The following NUP205 variants were observed in gnomAD, a reference collection of about 807,000 sequenced individuals.
NUP205 encodes the protein nuclear pore complex protein Nup205.
NUP205 carries 76 observed loss-of-function variants against 253.8 expected under a neutral mutation model. That is an observed-to-expected ratio of 0.30 (90% CI 0.25 to 0.36). NUP205 has a LOEUF of 0.36. Among genes scored for constraint, NUP205 ranks in the 10% least tolerant of loss-of-function variants. NUP205 has a pLI of 1.00. For missense variants in NUP205, 2,162 were observed against 2,425.5 expected (o/e 0.89, Z 2.28); for synonymous variants, 832 against 850.1 (o/e 0.98, Z 0.37).
intron 22 of NUP205, among the ~76,000 whole-genome samples, chr7:135,611,237 T>A (rs1794228707): frequency 6.6e-6 from 1 of 152,168 alleles, no homozygotes; most frequent in African/African-American, 2.4e-5. Flanking sequence ...CTCAAACTCC[T>A]GACCTCAGGT....
rs79789156 is a variant in NUP205, at chr7:135,642,996, T to C, written c.5393-196T>C. Among the ~76,000 whole-genome samples, 107 of 152,334 alleles carry C rather than the reference T, an allele frequency of 7.0e-4. 5 individuals are homozygous for C. The East Asian group carries it at 0.019, about 27-fold the overall frequency. The stretch of plus-strand genomic sequence containing the variant: ...CTCGCAGGATTTCCAGCCTTATGTA[T>C]GTACCTGATTACAGTGGCTCCTAAC... On this transcript the variant is annotated intron_variant, in intron 38 of 42. Coordinates refer to ENST00000285968, the MANE Select transcript of NUP205 (RefSeq NM_015135.3).
intron 1 of NUP205, among the ~76,000 whole-genome samples, chr7:135,570,731 T>C (rs1361546254): frequency 1.9e-5 from 2 of 104,456 alleles, no homozygotes; most frequent in Non-Finnish European, 3.6e-5. Flanking sequence ...TATATTTATA[T>C]ATTATATTAA....
At position 135,648,393 on chromosome 7, in the gene NUP205, G is replaced by A; in HGVS notation, c.5887-11G>A. On this transcript the variant is annotated splice_polypyrimidine_tract_variant and intron_variant, in intron 42 of 42. Coordinates refer to ENST00000285968, the MANE Select transcript of NUP205 (RefSeq NM_015135.3). ...ACAATTTTAACAAAATGTCTTTTGT[G>A]TCACCGCTAGCTTCAGGCTGATGCA... 6.5e-7 allele frequency: 1 copy of A among 1,544,630 alleles called. No homozygotes were observed. The highest frequency in any genetic ancestry group is 2.3e-5 in the Admixed American group (1 of 43,832).
chr7:135,589,258 T>G (rs560588498), intron 10 of NUP205, among the ~76,000 whole-genome samples: 1 of 149,006 alleles, frequency 6.7e-6, no homozygotes, highest in East Asian at 1.9e-4. Context: ...TGTGTGTGTG[T>G]GTGTTTTTTT....
At chr7:135,593,315 T>C (rs769336385) in intron 12 of NUP205, 123 bp downstream of exon 12, 3 of 851,244 alleles carry the variant, frequency 3.5e-6, no homozygotes, top group Non-Finnish European at 5.4e-6. Context: ...GACAGATATA[T>C]AGCATTCTGC....
intron 2 of NUP205, among the ~76,000 whole-genome samples, chr7:135,573,164 G>T (rs1806049470): frequency 6.6e-6 from 1 of 151,952 alleles, no homozygotes; most frequent in Admixed American, 6.6e-5. Context: ...CGAAACTTTA[G>T]ATGTATGATC....
chr7:135,607,131 A>G, intron 21 of NUP205, 116 bp from the exon 22 acceptor site: 1 of 1,327,896 alleles, frequency 7.5e-7, no homozygotes, highest in Non-Finnish European at 1.0e-6. Flanking sequence ...TCAGTATTTG[A>G]AAGAGTGTTT....
At chr7:135,558,118 C>A in intron 1 of NUP205, 146 bp downstream of exon 1, 1 of 718,478 alleles carries the variant, frequency 1.4e-6, no homozygotes. Context: ...GAGTCCCACC[C>A]CTCCCCAGTT....
In NUP205 at chr7:135,604,405, T is replaced by G. The variant is rs1412990353; in HGVS notation, c.2768T>G (p.Ile923Ser). 1 of 1,612,726 alleles carries G rather than the reference T, an allele frequency of 6.2e-7. No individual in the cohort carries two copies. The highest frequency in any genetic ancestry group is 1.1e-5 in the South Asian group (1 of 90,974). ...GAAAGTGCCAAGATCCTCTGTTGTA[T>G]CTCTTGCAACTCTAATATTCAGATA... ...AFESAKILCC[I>S]SCNSNIQIKL... The change falls in exon 19 of 43, where the codon ATC becomes AGC. Residue 923 changes from isoleucine to serine, a missense_variant. Coordinates refer to ENST00000285968, the MANE Select transcript of NUP205 (RefSeq NM_015135.3).
chr7:135,603,557 T>C (rs1281642500), intron 18 of NUP205, among the ~76,000 whole-genome samples: 1 of 151,820 alleles, frequency 6.6e-6, no homozygotes, highest in Admixed American at 6.6e-5. Flanking sequence ...TCACCCAGAC[T>C]GGAGTGCGGT....
At chr7:135,616,591 CAAAT>C (rs1794364062) in intron 24 of NUP205, 60 bp from the exon 25 acceptor site, 1 of 978,218 alleles carries the variant, frequency 1.0e-6, no homozygotes. Context: ...TTGTTATTTC[CAAAT>C]AAATAGTTTT....
At chr7:135,597,308 C>T in intron 13 of NUP205, 60 bp from the exon 14 acceptor site, 1 of 1,216,836 alleles carries the variant, frequency 8.2e-7, no homozygotes, top group South Asian at 1.2e-5. Context: ...TATTGCAAAG[C>T]CACTAATATT....
intron 7 of NUP205, among the ~76,000 whole-genome samples, chr7:135,579,354 C>A (rs1806243639): frequency 6.6e-6 from 1 of 151,982 alleles, no homozygotes; most frequent in African/African-American, 2.4e-5. Context: ...GCCACCACAC[C>A]TGGCTAATTG....
At chr7:135,570,836 T>TTA in intron 1 of NUP205, among the ~76,000 whole-genome samples, 1 of 49,042 alleles carries the variant, frequency 2.0e-5, no homozygotes, top group Non-Finnish European at 4.1e-5. Context: ...ATAAATTATA[T>TTA]ATTATATATT....
At chr7:135,636,900 G>A (rs1794820617) in intron 36 of NUP205, among the ~76,000 whole-genome samples, 1 of 152,144 alleles carries the variant, frequency 6.6e-6, no homozygotes, top group African/African-American at 2.4e-5. Flanking sequence ...CAGCTACCTG[G>A]GGGGCTGAGG....
At chr7:135,602,329 CAG>C (rs1793983490) in intron 17 of NUP205, among the ~76,000 whole-genome samples, 1 of 152,140 alleles carries the variant, frequency 6.6e-6, no homozygotes. Context: ...TACTTTAGAT[CAG>C]AGTTTCTCAA....
intron 7 of NUP205, 66 bp downstream of exon 7, chr7:135,578,981 A>G: frequency 7.6e-7 from 1 of 1,324,012 alleles, no homozygotes; most frequent in Non-Finnish European, 1.0e-6. Flanking sequence ...CATTTTTGGA[A>G]GGAGTATTAT....
chr7:135,606,103 A>G, intron 19 of NUP205, 42 bp from the exon 20 acceptor site: 1 of 1,287,718 alleles, frequency 7.8e-7, no homozygotes, highest in Non-Finnish European at 1.1e-6. Context: ...ATATTTAGAA[A>G]CCTGTAATAA....
Position 135,566,806 on chromosome 7 carries a change from C to G in NUP205, c.29-4299C>G, listed in dbSNP as rs570054530. 5.9e-5 allele frequency among the ~76,000 whole-genome samples: 9 copies of G among 152,132 alleles called. No homozygotes were observed. The East Asian group carries it at 1.2e-3, about 20-fold the overall frequency. ...AGGCTGAAGCGCAGTGGCGCAATCT[C>G]GGCTCACTGCAACCTCTGCCTCCCA... On this transcript the variant is annotated intron_variant, in intron 1 of 42. Transcript: ENST00000285968.
Sources: gnomAD v4.1 joint callset for allele counts (sites outside exome capture counted in the v4.1 genomes callset) on GRCh38, gnomAD v4.1.1 for gene constraint, MANE v1.5 for transcripts, NCBI Gene and HGNC (gene_info 2026-07-23, HGNC 2026-07-21) for gene names.